TMEM178B: variants seen among roughly 807,000 people sequenced by gnomAD.
TMEM178B encodes the protein transmembrane protein 178B.
Under a neutral mutation model 31.0 loss-of-function variants are expected in TMEM178B, and 5 were observed. The observed-to-expected ratio is 0.16, with a 90% confidence interval of 0.08 to 0.34. TMEM178B has a LOEUF of 0.34. Ranked by LOEUF, TMEM178B falls within the 10% of genes least tolerant of loss-of-function variation. The probability of loss-of-function intolerance (pLI) is 1.00; values close to 1 mark genes in which losing one functional copy is unlikely to be tolerated. For missense variants in TMEM178B, 275 were observed against 400.3 expected (o/e 0.69, Z 2.67); for synonymous variants, 164 against 164.0 (o/e 1.00, Z 0.00).
chr7:141,386,419 T>C (rs1336697679), intron 2 of TMEM178B, among the ~76,000 whole-genome samples: 2 of 152,236 alleles, frequency 1.3e-5, no homozygotes, highest in Non-Finnish European at 2.9e-5. Context: ...ACTTTTGCTT[T>C]CTATGGAGCT....
intron 2 of TMEM178B, among the ~76,000 whole-genome samples, chr7:141,431,990 A>G (rs764087279): frequency 2.0e-5 from 3 of 152,178 alleles, no homozygotes; most frequent in Non-Finnish European, 1.5e-5. Context: ...AAAAAGCAAC[A>G]AAGATTTTTT....
chr7:141,101,865 C>T (rs575146056), intron 1 of TMEM178B, among the ~76,000 whole-genome samples: 43 of 151,426 alleles, frequency 2.8e-4, no homozygotes, highest in Non-Finnish European at 5.7e-4. Flanking sequence ...TTTGTCAGTA[C>T]CCTCTATTTT....
chr7:141,504,331 TTTTG>T, the TMEM178B span, among the ~76,000 whole-genome samples: 2 of 152,180 alleles, frequency 1.3e-5, no homozygotes, highest in East Asian at 1.9e-4. Flanking sequence ...TACGCTTCAG[TTTTG>T]TTTGTTATTG....
intron 1 of TMEM178B, among the ~76,000 whole-genome samples, chr7:141,163,945 C>T (rs1338601506): frequency 6.6e-6 from 1 of 152,110 alleles, no homozygotes; most frequent in East Asian, 1.9e-4. Flanking sequence ...ATTAGAATTA[C>T]AAGGAAACCA....
chr7:141,084,525 T>C (rs1794745882), intron 1 of TMEM178B, among the ~76,000 whole-genome samples: 1 of 152,206 alleles, frequency 6.6e-6, no homozygotes, highest in Non-Finnish European at 1.5e-5. Context: ...ATTTCTGTGC[T>C]GGGAGCCTGG....
chr7:141,211,619 T>C (rs1474797830), intron 1 of TMEM178B, among the ~76,000 whole-genome samples: 1 of 152,034 alleles, frequency 6.6e-6, no homozygotes, highest in Non-Finnish European at 1.5e-5. Flanking sequence ...ATCCCCGAGA[T>C]GAGCAAGCGT....
chr7:141,324,292 G>C (rs1008963171), intron 2 of TMEM178B, among the ~76,000 whole-genome samples: 3 of 152,076 alleles, frequency 2.0e-5, no homozygotes, highest in Non-Finnish European at 4.4e-5. Flanking sequence ...GCAGAATGTA[G>C]CAGCCTGGGG....
chr7:141,455,686 A>T (rs987329659), intron 3 of TMEM178B, among the ~76,000 whole-genome samples: 1 of 152,264 alleles, frequency 6.6e-6, no homozygotes, highest in Non-Finnish European at 1.5e-5. Flanking sequence ...TCTTGGAACA[A>T]TGTCTATCAT....
chr7:141,421,955 A>G (rs1241625658), intron 2 of TMEM178B, among the ~76,000 whole-genome samples: 1 of 152,064 alleles, frequency 6.6e-6, no homozygotes, highest in Non-Finnish European at 1.5e-5. Flanking sequence ...TCACATATTC[A>G]TAAGCTTTTA....
At chr7:141,428,378 A>AAG (rs1563179991) in intron 2 of TMEM178B, among the ~76,000 whole-genome samples, 4 of 141,786 alleles carry the variant, frequency 2.8e-5, no homozygotes, top group Non-Finnish European at 6.1e-5. Flanking sequence ...CAAAAAAAAA[A>AAG]AAAAAAGAAA....
chr7:141,407,549 G>T (rs1800906196), intron 2 of TMEM178B, among the ~76,000 whole-genome samples: 1 of 151,998 alleles, frequency 6.6e-6, no homozygotes, highest in Non-Finnish European at 1.5e-5. Context: ...ATTCGTCTAC[G>T]GCCATACCAC....
chr7:141,487,967 T>C, the TMEM178B span, among the ~76,000 whole-genome samples: 1 of 152,086 alleles, frequency 6.6e-6, no homozygotes, highest in Non-Finnish European at 1.5e-5. Flanking sequence ...CCTTGGGTGT[T>C]TACCACCATA....
chr7:141,353,892 C>G (rs1316466577), intron 2 of TMEM178B, among the ~76,000 whole-genome samples: 1 of 152,186 alleles, frequency 6.6e-6, no homozygotes, highest in South Asian at 2.1e-4. Context: ...CTCTAATGAT[C>G]ATTGAATTTG....
intron 1 of TMEM178B, among the ~76,000 whole-genome samples, chr7:141,192,990 G>A (rs1437622137): frequency 1.3e-5 from 2 of 152,192 alleles, no homozygotes; most frequent in Non-Finnish European, 2.9e-5. Flanking sequence ...GTAGGAAAAT[G>A]GAAATTTCTC....
chr7:141,170,777 G>T (rs1796335673), intron 1 of TMEM178B, among the ~76,000 whole-genome samples: 1 of 152,168 alleles, frequency 6.6e-6, no homozygotes, highest in Non-Finnish European at 1.5e-5. Flanking sequence ...AGTGCCCTAG[G>T]CAGCACTAAT....
chr7:141,262,474 A>AATATATATATATATATATATATAT lies in TMEM178B; in HGVS notation c.496+49777_496+49800dup, dbSNP rs10570183. Among the ~76,000 whole-genome samples the AATATATATATATATATATATATAT allele has an allele frequency of 3.3e-3, 432 of 131,636 alleles. 4 individuals are homozygous for AATATATATATATATATATATATAT. Among genetic ancestry groups the AATATATATATATATATATATATAT allele is most frequent in the Middle Eastern group, 8.0e-3 (2 of 250 alleles). The allele number at this position is 131,636 out of a possible 152,430, so 86.4% of individuals were successfully genotyped here. ...AATGGAAAGCTTGATAAATACATAT[A>AATATATATATATATATATATATAT]ATATATATATATATATATATATATA... On this transcript the variant is annotated intron_variant, in intron 2 of 3. Transcript: ENST00000565468.
At chr7:141,167,312 G>A (rs1020213929) in intron 1 of TMEM178B, among the ~76,000 whole-genome samples, 1 of 152,236 alleles carries the variant, frequency 6.6e-6, no homozygotes, top group Non-Finnish European at 1.5e-5. Flanking sequence ...GCCCCTCACT[G>A]TCATTTGTCT....
chr7:141,338,450 T>A (rs1235498567), intron 2 of TMEM178B, among the ~76,000 whole-genome samples: 4 of 152,174 alleles, frequency 2.6e-5, no homozygotes, highest in African/African-American at 4.8e-5. Context: ...GCCAGAAACA[T>A]CTTATTAAAA....
At chr7:141,440,515 GT>G (rs796495645) in intron 3 of TMEM178B, among the ~76,000 whole-genome samples, 287 of 143,498 alleles carry the variant, frequency 2.0e-3, no homozygotes, top group Admixed American at 2.5e-3. Flanking sequence ...GACCTCTCAT[GT>G]TTTTTTTTTT....
Sources: gnomAD v4.1 joint callset for allele counts (sites outside exome capture counted in the v4.1 genomes callset) on GRCh38, gnomAD v4.1.1 for gene constraint, MANE v1.5 for transcripts, NCBI Gene and HGNC (gene_info 2026-07-23, HGNC 2026-07-21) for gene names.